The following ZSCAN21 variants were observed in gnomAD, a reference collection of about 807,000 sequenced individuals.
The protein encoded by ZSCAN21 is zinc finger and SCAN domain containing 21.
Under a neutral mutation model 35.6 loss-of-function variants are expected in ZSCAN21, and 26 were observed. That is an observed-to-expected ratio of 0.73 (90% CI 0.54 to 1.01). ZSCAN21 has a LOEUF of 1.01. ZSCAN21 is among the 50% of genes least tolerant of loss of function. The probability of loss-of-function intolerance (pLI) is 0.00; values close to 1 mark genes in which losing one functional copy is unlikely to be tolerated. For synonymous variants in ZSCAN21, 219 were observed against 219.3 expected (o/e 1.00, Z 0.01); for missense variants, 593 against 587.1 (o/e 1.01, Z -0.10).
At chr7:100,063,659 T>C in intron 3 of ZSCAN21, 129 bp from the exon 4 acceptor site, 1 of 787,720 alleles carries the variant, frequency 1.3e-6, no homozygotes, top group Non-Finnish European at 2.0e-6. Flanking sequence ...ATCTATGCGC[T>C]ATCATGAGCT....
In ZSCAN21 at chr7:100,065,024, C is replaced by CT; in HGVS notation, c.*409dup. ...ACAATTGAATGAGATTCAGAATAAA[C>CT]TTATAACATCTTGTAATGCCTCAGG... On this transcript the variant is annotated 3_prime_UTR_variant, in exon 4 of 4. Transcript: ENST00000292450. 1 of 1,347,434 alleles carries CT rather than the reference C, an allele frequency of 7.4e-7. No homozygotes were observed. Among genetic ancestry groups the CT allele is most frequent in the Non-Finnish European group, 1.0e-6 (1 of 976,880 alleles). 83.5% of individuals were successfully genotyped at this position (1,347,434 alleles called of 1,614,324 possible). A position where few individuals can be genotyped will look rare whatever the true frequency, so the allele number is the denominator to read the frequency against.
intron 1 of ZSCAN21, among the ~76,000 whole-genome samples, chr7:100,053,220 C>T (rs559839570): frequency 1.1e-3 from 166 of 151,728 alleles, no homozygotes; most frequent in African/African-American, 3.7e-3. Context: ...TCCAAGGAAA[C>T]TTTTTTTTCT....
At position 100,057,019 on chromosome 7, in the gene ZSCAN21, G is replaced by A. The variant is rs141613498; in HGVS notation, c.13G>A (p.Val5Ile). 2.0e-3 allele frequency: 3,267 copies of A among 1,609,074 alleles called. 7 individuals carry two copies. The highest frequency in any genetic ancestry group is 2.4e-3 in the Non-Finnish European group (2,875 of 1,177,476). MMTKVLGMAPVLGPR... is the reference protein window; with the variant it reads MMTKILGMAPVLGPR... The stretch of plus-strand genomic sequence containing the variant: ...TTCTGGAGTTTACATGATGACCAAG[G>A]TACTAGGCATGGCCCCAGTTCTGGG... The change falls in exon 2 of 4, where the codon GTA (valine) becomes ATA (isoleucine). Residue 5 changes from valine to isoleucine, a missense_variant. By Grantham distance (29) the Val-to-Ile change is conservative. Transcript: ENST00000292450.
rs77329218 is a variant in ZSCAN21, at chr7:100,053,303, C to T, written c.-97+3462C>T. 5.2e-3 allele frequency among the ~76,000 whole-genome samples: 787 copies of T among 151,998 alleles called. 7 individuals are homozygous for T. Among genetic ancestry groups the T allele is most frequent in the African/African-American group, 0.019 (768 of 41,482 alleles). ...GATTCACCAAGTTCTCAGAGTGTAT[C>T]GCACATGAATGTTATGTTACTACAT... On this transcript the variant is annotated intron_variant, in intron 1 of 3. Coordinates refer to ENST00000292450, the MANE Select transcript of ZSCAN21 (RefSeq NM_145914.3).
chr7:100,054,012 G>A (rs1024435142), intron 1 of ZSCAN21, among the ~76,000 whole-genome samples: 9 of 151,108 alleles, frequency 6.0e-5, no homozygotes, highest in East Asian at 3.9e-4. Context: ...CCGGCCAGTC[G>A]TTTTAAATAT....
At chr7:100,061,031 A>G (rs756671006) in intron 3 of ZSCAN21, among the ~76,000 whole-genome samples, 1 of 151,698 alleles carries the variant, frequency 6.6e-6, no homozygotes, top group Non-Finnish European at 1.5e-5. Flanking sequence ...GCACCACTGC[A>G]CTCCAGCCTG....
Position 100,064,051 on chromosome 7 carries a change from TTTAGTAATAGCTC to T in ZSCAN21, c.857_869del (p.Phe286Ter). On this transcript the variant is annotated frameshift_variant, in exon 4 of 4. Transcript: ENST00000292450. LOFTEE classifies it high-confidence loss of function. ...TATATGTGCTGAATGTGGCAAAGCC[TTTAGTAATAGCTC>T]AAATCTCACCAAACACAGGAGAACA... The T allele has an allele frequency of 6.2e-7, 1 of 1,614,106 alleles. No homozygotes were observed. The highest frequency in any genetic ancestry group is 1.1e-5 in the South Asian group (1 of 91,086).
At chr7:100,059,999 C>T (rs1311670740) in intron 3 of ZSCAN21, among the ~76,000 whole-genome samples, 3 of 152,166 alleles carry the variant, frequency 2.0e-5, no homozygotes, top group Middle Eastern at 3.4e-3. Context: ...TGAGCCACCA[C>T]GCCCAGCCAA....
intron 3 of ZSCAN21, among the ~76,000 whole-genome samples, chr7:100,062,332 T>C (rs890845151): frequency 6.7e-6 from 1 of 150,158 alleles, no homozygotes; most frequent in Non-Finnish European, 1.5e-5. Context: ...GGTTCATGCC[T>C]GTAATCCCAG....
In ZSCAN21 at chr7:100,064,570, C is replaced by CT; in HGVS notation, c.1378dup (p.Ser460PhefsTer29). 2.5e-6 allele frequency: 4 copies of CT among 1,614,222 alleles called. No homozygotes were observed. The highest frequency in any genetic ancestry group is 3.4e-6 in the Non-Finnish European group (4 of 1,180,040). On this transcript the variant is annotated frameshift_variant, in exon 4 of 4. Coordinates refer to ENST00000292450, the MANE Select transcript of ZSCAN21 (RefSeq NM_145914.3). LOFTEE classifies it high-confidence loss of function. Reference sequence around the variant, plus strand: ...AAAGACCTTCTGTAGCAAGTCCAATCTTTCCAAACATCAGCGAGTCCACAC... The same window carrying CT: ...AAAGACCTTCTGTAGCAAGTCCAATCTTTTCCAAACATCAGCGAGTCCACAC...
At chr7:100,060,873 A>AG (rs1012115101) in intron 3 of ZSCAN21, among the ~76,000 whole-genome samples, 2 of 151,674 alleles carry the variant, frequency 1.3e-5, no homozygotes, top group African/African-American at 4.8e-5. Flanking sequence ...AAAAAAAAAA[A>AG]AAAAACATTT....
chr7:100,058,271 CA>C (rs779166366), intron 3 of ZSCAN21, among the ~76,000 whole-genome samples: 39 of 152,158 alleles, frequency 2.6e-4, no homozygotes, highest in Non-Finnish European at 4.9e-4. Context: ...CCTAAAGGGA[CA>C]GAGGGGGACC....
At chr7:100,053,052 G>A (rs1055460459) in intron 1 of ZSCAN21, among the ~76,000 whole-genome samples, 2 of 151,616 alleles carry the variant, frequency 1.3e-5, no homozygotes, top group African/African-American at 4.9e-5. Context: ...CTTGAACTCG[G>A]GAGGCGAAGG....
intron 1 of ZSCAN21, among the ~76,000 whole-genome samples, chr7:100,051,282 C>CTTTTTTTTCTTTTTTTTTT (rs1791864711): frequency 2.9e-5 from 1 of 34,948 alleles, no homozygotes; most frequent in Non-Finnish European, 5.2e-5. Context: ...TAGGGATTTT[C>CTTTTTTTTCTTTTTTTTTT]TTTTTTTTTT....
intron 1 of ZSCAN21, among the ~76,000 whole-genome samples, chr7:100,053,519 T>TTAAATACATACA (rs1554357977): frequency 2.9e-5 from 3 of 101,808 alleles, no homozygotes; most frequent in African/African-American, 1.1e-4. Flanking sequence ...AGGAGGGCTC[T>TTAAATACATACA]TACATACATA....
At position 100,057,389 on chromosome 7, in the gene ZSCAN21, A is replaced by G; in HGVS notation, c.383A>G (p.Asp128Gly). 6.4e-7 allele frequency: 1 copy of G among 1,557,554 alleles called. No homozygotes were observed. Among genetic ancestry groups the G allele is most frequent in the South Asian group, 1.2e-5 (1 of 81,690 alleles). ...TLLEDLEREL[D>G]EPGHQVSTPP... is the part of the protein sequence containing the mutation. ...CTCGAAGATCTGGAGCGGGAACTGG[A>G]TGAGCCAGGACACCAGGTAGGCAGG... Residue 128 changes from aspartate to glycine, a missense_variant, in exon 2 of 4, where the codon GAT (aspartate) becomes GGT (glycine). Asp to Gly is a moderately conservative substitution (Grantham distance 94, BLOSUM62 -1). Coordinates refer to ENST00000292450, the MANE Select transcript of ZSCAN21 (RefSeq NM_145914.3).
intron 1 of ZSCAN21, among the ~76,000 whole-genome samples, chr7:100,053,556 T>TG (rs1342174244): frequency 1.3e-5 from 2 of 148,752 alleles, no homozygotes; most frequent in Non-Finnish European, 3.0e-5. Context: ...ATTTTTTTTT[T>TG]TTTTTTTTTT....
At chr7:100,058,147 C>T (rs1792149149) in intron 3 of ZSCAN21, among the ~76,000 whole-genome samples, 1 of 151,914 alleles carries the variant, frequency 6.6e-6, no homozygotes, top group African/African-American at 2.4e-5. Flanking sequence ...TTTAAAGGGT[C>T]AATTGAAATG....
chr7:100,059,700 A>C (rs1332852906), intron 3 of ZSCAN21, among the ~76,000 whole-genome samples: 1 of 150,660 alleles, frequency 6.6e-6, no homozygotes, highest in Non-Finnish European at 1.5e-5. Context: ...CTACAGGTGC[A>C]CACCACCACG....
Sources: gnomAD v4.1 joint callset for allele counts (sites outside exome capture counted in the v4.1 genomes callset) on GRCh38, gnomAD v4.1.1 for gene constraint, MANE v1.5 for transcripts, NCBI Gene and HGNC (gene_info 2026-07-23, HGNC 2026-07-21) for gene names.